Variants in PDE4D observed in about 807,000 individuals in gnomAD.
PDE4D encodes phosphodiesterase 4D, also known as 3',5'-cyclic-AMP phosphodiesterase 4D.
Under a neutral mutation model 87.4 loss-of-function variants are expected in PDE4D, and 24 were observed. The ratio of observed to expected loss-of-function variants is 0.27; its 90% CI spans 0.20 to 0.39. The LOEUF is 0.39. Among genes scored for constraint, PDE4D ranks in the 10% least tolerant of loss-of-function variants. PDE4D has a pLI of 1.00. For synonymous variants in PDE4D, 384 were observed against 383.2 expected (o/e 1.00, Z -0.02); for missense variants, 714 against 1,041.0 (o/e 0.69, Z 4.32).
chr5:59,777,266 C>T (rs1348592586), intron 1 of PDE4D, among the ~76,000 whole-genome samples: 1 of 152,210 alleles, frequency 6.6e-6, no homozygotes, highest in East Asian at 1.9e-4. Context: ...AGGCTAATTT[C>T]ACCCTCCTCT....
chr5:59,395,013 G>A (rs538153888), intron 1 of PDE4D, among the ~76,000 whole-genome samples: 6 of 152,174 alleles, frequency 3.9e-5, no homozygotes, highest in Non-Finnish European at 7.3e-5. Context: ...CGAATACTGC[G>A]CTTTTCCGAC....
chr5:59,207,090 G>A (rs1748961565), intron 2 of PDE4D, among the ~76,000 whole-genome samples: 1 of 152,048 alleles, frequency 6.6e-6, no homozygotes, highest in African/African-American at 2.4e-5. Flanking sequence ...AGACTGAGGT[G>A]GGAGAATCAC....
intron 5 of PDE4D, among the ~76,000 whole-genome samples, chr5:59,049,933 C>A (rs190294937): frequency 4.6e-5 from 7 of 152,148 alleles, no homozygotes; most frequent in African/African-American, 1.7e-4. Context: ...AGAAGTAATG[C>A]CAAAGAGACA....
chr5:59,383,333 C>G (rs1403982518), intron 1 of PDE4D, among the ~76,000 whole-genome samples: 8 of 151,986 alleles, frequency 5.3e-5, no homozygotes, highest in Non-Finnish European at 1.2e-4. Context: ...CGCAAGCCTG[C>G]TCCAGTCTCA....
intron 1 of PDE4D, among the ~76,000 whole-genome samples, chr5:59,397,616 C>G (rs1268264368): frequency 8.8e-6 from 1 of 113,998 alleles, no homozygotes; most frequent in Non-Finnish European, 1.8e-5. Flanking sequence ...TAAATGCCCA[C>G]AAGAGAAAGC....
At chr5:60,244,490 A>C (rs1190611648) in intron 1 of PDE4D, among the ~76,000 whole-genome samples, 1 of 152,046 alleles carries the variant, frequency 6.6e-6, no homozygotes, top group Non-Finnish European at 1.5e-5. Flanking sequence ...AGAATAGCCA[A>C]ATCTATCCTA....
intron 1 of PDE4D, among the ~76,000 whole-genome samples, chr5:59,851,261 T>C (rs1214008747): frequency 1.3e-5 from 2 of 152,090 alleles, no homozygotes. Flanking sequence ...TCTATCACCC[T>C]GACTGACTTC....
chr5:59,982,184 C>T (rs541540892), intron 3 of PDE4D, among the ~76,000 whole-genome samples: 7 of 152,172 alleles, frequency 4.6e-5, no homozygotes, highest in African/African-American at 1.4e-4. Context: ...CATAGTGATA[C>T]GAAGGTACAC....
intron 1 of PDE4D, among the ~76,000 whole-genome samples, chr5:60,256,911 A>T (rs573217246): frequency 1.3e-5 from 2 of 151,948 alleles, no homozygotes; most frequent in African/African-American, 4.8e-5. Flanking sequence ...AATTTCACAT[A>T]CGTATATCTA....
intron 2 of PDE4D, among the ~76,000 whole-genome samples, chr5:60,095,292 C>A (rs1273149440): frequency 2.0e-5 from 3 of 152,178 alleles, no homozygotes; most frequent in Non-Finnish European, 4.4e-5. Context: ...TGAGTGAGAA[C>A]ATGTGGTGTT....
At chr5:59,507,611 G>C (rs1023716175) in intron 1 of PDE4D, among the ~76,000 whole-genome samples, 1 of 138,738 alleles carries the variant, frequency 7.2e-6, no homozygotes, top group Admixed American at 7.7e-5. Flanking sequence ...GCTGCAATGA[G>C]TTATGACTAT....
intron 1 of PDE4D, among the ~76,000 whole-genome samples, chr5:59,730,223 A>G (rs1757185126): frequency 6.6e-6 from 1 of 152,088 alleles, no homozygotes; most frequent in Non-Finnish European, 1.5e-5. Flanking sequence ...ATCCTTTATC[A>G]CTGAGAAGAG....
At chr5:59,110,432 A>G (rs1213503537) in intron 5 of PDE4D, among the ~76,000 whole-genome samples, 1 of 152,228 alleles carries the variant, frequency 6.6e-6, no homozygotes, top group Admixed American at 6.5e-5. Context: ...TAAAATTTCT[A>G]CAAGGTAGCA....
At chr5:59,539,272 G>T (rs1815849279) in intron 1 of PDE4D, among the ~76,000 whole-genome samples, 1 of 152,126 alleles carries the variant, frequency 6.6e-6, no homozygotes, top group Non-Finnish European at 1.5e-5. Flanking sequence ...ACAGAGTTCA[G>T]ATTTTTGTCT....
chr5:59,152,244 T>C (rs554794559), intron 5 of PDE4D, among the ~76,000 whole-genome samples: 136 of 152,252 alleles, frequency 8.9e-4, no homozygotes, highest in African/African-American at 2.9e-3. Context: ...GCACACAGAA[T>C]TGTTATTATT....
rs568548736 is a variant in PDE4D, at chr5:60,498,594, G to A, written n.70+23457C>T. 7.9e-5 allele frequency among the ~76,000 whole-genome samples: 12 copies of A among 152,324 alleles called. No homozygotes were observed. In the South Asian group the frequency reaches 2.1e-3, roughly 26 times the overall value. ...CTGGCTGTGGGCAGAGGGCTTCAGG[G>A]ACAATGTTAGGCTGCCCTCTTGTTC... is the stretch of plus-strand genomic sequence containing the variant. On this transcript the variant is annotated intron_variant and non_coding_transcript_variant, in intron 1 of 2. Coordinates refer to the PDE4D transcript ENST00000506510.
intron 1 of PDE4D, among the ~76,000 whole-genome samples, chr5:59,499,723 G>C (rs1486393578): frequency 6.6e-6 from 1 of 151,938 alleles, no homozygotes; most frequent in Non-Finnish European, 1.5e-5. Flanking sequence ...ATTAAACCAG[G>C]AAGAAACTGA....
intron 1 of PDE4D, among the ~76,000 whole-genome samples, chr5:59,370,509 A>G (rs1430037781): frequency 6.6e-6 from 1 of 152,230 alleles, no homozygotes; most frequent in Non-Finnish European, 1.5e-5. Flanking sequence ...TAAGATTTAA[A>G]TGTCAGTTTA....
chr5:59,162,962 G>A lies in PDE4D; in HGVS notation c.808+17633C>T, dbSNP rs183958753. Among the ~76,000 whole-genome samples the A allele has an allele frequency of 3.6e-3, 519 of 143,646 alleles. 2 individuals are homozygous for A. The highest frequency in any genetic ancestry group is 9.1e-3 in the South Asian group (42 of 4,614). The allele number at this position is 143,646 out of a possible 152,430, so 94.2% of individuals were successfully genotyped here. A position where few individuals can be genotyped will look rare whatever the true frequency, so the allele number is the denominator to read the frequency against. ...TCTAATTGATTTTTTTTTTTTCTTC[G>A]AGGCAGAGTCTTGCTCTGTCACCCA... On this transcript the variant is annotated intron_variant, in intron 5 of 14. Coordinates refer to ENST00000340635, the MANE Select transcript of PDE4D (RefSeq NM_001104631.2).
Sources: gnomAD v4.1 joint callset for allele counts (sites outside exome capture counted in the v4.1 genomes callset) on GRCh38, gnomAD v4.1.1 for gene constraint, MANE v1.5 for transcripts, NCBI Gene and HGNC (gene_info 2026-07-23, HGNC 2026-07-21) for gene names.